SYNE1: variants seen among roughly 807,000 people sequenced by gnomAD.
SYNE1 encodes nesprin-1.
SYNE1 carries 616 observed loss-of-function variants against 1,111.0 expected under a neutral mutation model. The ratio of observed to expected loss-of-function variants is 0.55; its 90% confidence interval spans 0.52 to 0.59. The LOEUF (loss-of-function observed/expected upper bound fraction) is 0.59. Among genes scored for constraint, SYNE1 ranks in the 20% least tolerant of loss-of-function variants. The pLI is 0.00. For synonymous variants in SYNE1, 3,855 were observed against 3,825.8 expected, an observed-to-expected ratio of 1.01 and a Z score of -0.28; for missense variants, 10,006 against 10,417.0, an observed-to-expected ratio of 0.96 and a Z score of 1.72.
intron 123 of SYNE1, 90 bp from the exon 124 acceptor site, chr6:152,211,678 C>T (rs1228284384): frequency 8.9e-7 from 1 of 1,125,358 alleles, no homozygotes; most frequent in African/African-American, 1.5e-5. Context: ...CTAGTTTTCG[C>T]AAGACTATGA....
intron 49 of SYNE1, 152 bp from the exon 50 acceptor site, chr6:152,397,132 G>A (rs2097745734): frequency 1.3e-6 from 1 of 765,774 alleles, no homozygotes; most frequent in African/African-American, 1.7e-5. Context: ...GCACAACCAA[G>A]GCTCCTCATT....
intron 104 of SYNE1, among the ~76,000 whole-genome samples, chr6:152,250,049 GGC>G: frequency 6.6e-6 from 1 of 152,042 alleles, no homozygotes; most frequent in East Asian, 1.9e-4. Context: ...GATCACTTGA[GGC>G]CAGGAGTTCA....
intron 72 of SYNE1, among the ~76,000 whole-genome samples, chr6:152,347,903 TG>T (rs1465679687): frequency 6.6e-6 from 1 of 151,424 alleles, no homozygotes; most frequent in South Asian, 2.1e-4. Context: ...GTTGGCCAGC[TG>T]GTCTTGAACT....
chr6:152,604,226 T>C (rs1237534654), intron 3 of SYNE1, among the ~76,000 whole-genome samples: 1 of 151,606 alleles, frequency 6.6e-6, no homozygotes, highest in Non-Finnish European at 1.5e-5. Flanking sequence ...GATTATCACT[T>C]TATTCTTTAT....
chr6:152,306,666 A>G (rs2095388618), intron 91 of SYNE1, among the ~76,000 whole-genome samples: 1 of 151,476 alleles, frequency 6.6e-6, no homozygotes, highest in Non-Finnish European at 1.5e-5. Context: ...ACTTGAGCCC[A>G]GGAGTTTGAG....
chr6:152,196,009 C>G (rs1183971833), intron 127 of SYNE1, among the ~76,000 whole-genome samples: 3 of 152,222 alleles, frequency 2.0e-5, no homozygotes, highest in African/African-American at 7.2e-5. Context: ...CCTTTCCACT[C>G]TTCCCTTCCC....
chr6:152,236,290 CT>C lies in SYNE1; in HGVS notation c.20212del (p.Ser6738AlafsTer13). 1 of 1,612,602 alleles carries C rather than the reference CT, an allele frequency of 6.2e-7. No homozygotes were observed. The highest frequency in any genetic ancestry group is 8.5e-7 in the Non-Finnish European group (1 of 1,178,810). On this transcript the variant is annotated frameshift_variant, in exon 110 of 146. Coordinates refer to ENST00000367255, the MANE Select transcript of SYNE1 (RefSeq NM_182961.4). LOFTEE classifies it high-confidence loss of function. ...RITLYQHLKS[S>X]LNEYQPKLYQ... Reference sequence around the variant, plus strand: ...TAATTTGGGCTGGTATTCATTAAGGCTAGATTTTAAATGCTAAAATATTGAA... The same window carrying C: ...TAATTTGGGCTGGTATTCATTAAGGCAGATTTTAAATGCTAAAATATTGAA...
chr6:152,351,044 A>C (rs1256295515), intron 70 of SYNE1, among the ~76,000 whole-genome samples: 1 of 152,198 alleles, frequency 6.6e-6, no homozygotes, highest in African/African-American at 2.4e-5. Context: ...TATAGTTTAT[A>C]TTTCTGGCTT....
Position 152,143,614 on chromosome 6 carries a change from G to A in SYNE1, c.25119+9C>T. 1 of 1,614,156 alleles carries A rather than the reference G, an allele frequency of 6.2e-7. No individual in the cohort carries two copies. The highest frequency in any genetic ancestry group is 1.7e-5 in the Admixed American group (1 of 60,016). On this transcript the variant is annotated intron_variant, in intron 138 of 145. Transcript: ENST00000367255. ...CACAGGTCGGAATCAGGATGGCCAG[G>A]ATACTTACGTAGCCTTTGTAGCTGG...
In SYNE1 at chr6:152,354,742, T is replaced by C. The variant is rs1190223422; in HGVS notation, c.10843A>G (p.Lys3615Glu). Reference sequence around the variant, plus strand: ...GGACTAACTTTCTCCTCTGCTGTTTTGAGCCATTCATCTACTTGCTGAAAC... The same window carrying C: ...GGACTAACTTTCTCCTCTGCTGTTTCGAGCCATTCATCTACTTGCTGAAAC... ...QKFQQVDEWL[K>E]TAEEKVSPRT... The change falls in exon 67 of 146, where the codon AAA becomes GAA. Residue 3615 changes from lysine (K) to glutamate (E), a missense_variant. By Grantham distance (56) the Lys-to-Glu change is moderately conservative. Around this residue, in one of 7 missense-constraint regions of SYNE1, gnomAD observed 4,955 missense variants for 5,017.2 expected, o/e 0.99. Coordinates refer to ENST00000367255, the MANE Select transcript of SYNE1 (RefSeq NM_182961.4). 8 of 1,614,096 alleles carry C rather than the reference T, an allele frequency of 5.0e-6. No individual in the cohort carries two copies. The highest frequency in any genetic ancestry group is 6.8e-6 in the Non-Finnish European group (8 of 1,180,022).
intron 78 of SYNE1, among the ~76,000 whole-genome samples, chr6:152,328,934 C>G (rs2096167841): frequency 1.3e-5 from 2 of 152,152 alleles, no homozygotes; most frequent in Admixed American, 6.5e-5. Flanking sequence ...ATGGGATACC[C>G]CACAAAAATG....
intron 3 of SYNE1, among the ~76,000 whole-genome samples, chr6:152,614,117 A>G (rs1467630314): frequency 6.6e-6 from 1 of 152,328 alleles, no homozygotes; most frequent in South Asian, 2.1e-4. Context: ...AATGGCAACA[A>G]AAGCCAAAAT....
In SYNE1 at chr6:152,500,688, G is replaced by A. The variant is rs966749173; in HGVS notation, c.889-1896C>T. On this transcript the variant is annotated intron_variant, in intron 10 of 145. Coordinates refer to ENST00000367255, the MANE Select transcript of SYNE1 (RefSeq NM_182961.4). ...ATATTGACCAGGTGTGGTGGCTCAC[G>A]CCTGTAATCCCAGCACTTTGGGAGG... Among the ~76,000 whole-genome samples, 21 of 152,124 alleles carry A rather than the reference G, an allele frequency of 1.4e-4. No homozygotes were observed. The Middle Eastern group carries it at 0.02, about 148-fold the overall frequency.
intron 115 of SYNE1, 146 bp downstream of exon 115, chr6:152,230,401 C>A: frequency 1.2e-6 from 1 of 823,226 alleles, no homozygotes; most frequent in Non-Finnish European, 1.9e-6. Flanking sequence ...ACCCTATAAA[C>A]TCACAAAATC....
intron 26 of SYNE1, 84 bp from the exon 27 acceptor site, chr6:152,450,917 T>A: frequency 6.3e-7 from 1 of 1,596,176 alleles, no homozygotes; most frequent in Non-Finnish European, 8.6e-7. Flanking sequence ...AAAGGAAGAT[T>A]CCCACGCAGA....
At chr6:152,266,685 T>C (rs147053043) in intron 100 of SYNE1, among the ~76,000 whole-genome samples, 38 of 152,348 alleles carry the variant, frequency 2.5e-4, no homozygotes, top group African/African-American at 8.7e-4. Flanking sequence ...GTCAAAACTT[T>C]CACAGATTTT....
At chr6:152,347,271 T>C (rs759655675) in intron 72 of SYNE1, 36 bp from the exon 73 acceptor site, 3 of 1,612,228 alleles carry the variant, frequency 1.9e-6, no homozygotes, top group African/African-American at 2.7e-5. Flanking sequence ...TTTTCAGAAT[T>C]CTACTTTTAA....
chr6:152,442,801 C>T (rs1326704347), intron 30 of SYNE1, among the ~76,000 whole-genome samples: 1 of 151,980 alleles, frequency 6.6e-6, no homozygotes, highest in African/African-American at 2.4e-5. Context: ...AAAAAATTAG[C>T]CAAGTGTGGT....
At chr6:152,311,141 A>T (rs1283424472) in intron 87 of SYNE1, 2 of 496,984 alleles carry the variant, frequency 4.0e-6, no homozygotes, top group Non-Finnish European at 7.3e-6. Context: ...TGCTCGGTCA[A>T]GCCCAAGCTG....
Sources: gnomAD v4.1 joint callset for allele counts (sites outside exome capture counted in the v4.1 genomes callset) on GRCh38, gnomAD v4.1.1 for gene constraint, gnomAD v4.1.1 regional missense constraint, MANE v1.5 for transcripts, NCBI Gene and HGNC (gene_info 2026-07-23, HGNC 2026-07-21) for gene names.